CHN2: variants seen among roughly 807,000 people sequenced by gnomAD.
CHN2 encodes chimerin 2.
CHN2 carries 35 observed loss-of-function variants against 56.3 expected under a neutral mutation model. That is an observed-to-expected ratio of 0.62 (90% CI 0.47 to 0.82). The LOEUF is 0.82. CHN2 is among the 40% of genes least tolerant of loss of function. The pLI, the probability that CHN2 is intolerant of heterozygous loss-of-function variation, is 0.00. For synonymous variants in CHN2, 210 were observed against 212.8 expected (o/e 0.99, Z 0.12); for missense variants, 491 against 580.5 (o/e 0.85, Z 1.58).
intron 6 of CHN2, among the ~76,000 whole-genome samples, chr7:29,479,506 C>T (rs1238397243): frequency 6.6e-6 from 1 of 152,092 alleles, no homozygotes; most frequent in African/African-American, 2.4e-5. Flanking sequence ...GTAATGCATG[C>T]ATAAGAATAA....
intron 2 of CHN2, among the ~76,000 whole-genome samples, chr7:29,360,747 A>T (rs940343946): frequency 1.3e-5 from 2 of 152,106 alleles, no homozygotes; most frequent in South Asian, 4.2e-4. Flanking sequence ...CCTCCTTAGA[A>T]AGAAGTAGAC....
intron 1 of CHN2, among the ~76,000 whole-genome samples, chr7:29,288,232 G>A (rs955236973): frequency 3.2e-4 from 48 of 152,266 alleles, no homozygotes; most frequent in African/African-American, 1.1e-3. Context: ...TGGCTGTGTG[G>A]CCTTGGACAA....
intron 6 of CHN2, among the ~76,000 whole-genome samples, chr7:29,421,978 G>A (rs1475564206): frequency 1.3e-5 from 2 of 152,130 alleles, no homozygotes; most frequent in Non-Finnish European, 2.9e-5. Context: ...CTATTAACAT[G>A]GGAATCACCG....
At chr7:29,401,019 A>G in intron 6 of CHN2, 191 bp downstream of exon 6, 1 of 607,680 alleles carries the variant, frequency 1.6e-6, no homozygotes, top group East Asian at 2.8e-5. Flanking sequence ...CATGCCTGTA[A>G]TCTCTTTGGG....
At chr7:29,395,426 G>A (rs186436847) in intron 4 of CHN2, among the ~76,000 whole-genome samples, 9 of 152,258 alleles carry the variant, frequency 5.9e-5, no homozygotes, top group African/African-American at 1.9e-4. Flanking sequence ...AGGACCACAG[G>A]TGGGAGGTGG....
chr7:29,155,342 G>A (rs1794214357), intron 2 of CHN2, among the ~76,000 whole-genome samples: 1 of 152,030 alleles, frequency 6.6e-6, no homozygotes, highest in African/African-American at 2.4e-5. Context: ...ATGCTAAGAG[G>A]AAAGACAAGG....
At chr7:29,241,432 A>G (rs1432744947) in intron 1 of CHN2, among the ~76,000 whole-genome samples, 1 of 152,060 alleles carries the variant, frequency 6.6e-6, no homozygotes, top group Admixed American at 6.6e-5. Flanking sequence ...AAACTGTGCA[A>G]ACTTCTCAAG....
At chr7:29,476,881 A>C (rs1158907341) in intron 6 of CHN2, among the ~76,000 whole-genome samples, 1 of 152,210 alleles carries the variant, frequency 6.6e-6, no homozygotes, top group Non-Finnish European at 1.5e-5. Context: ...CCTGGTTCAA[A>C]CAGAGCATGT....
At chr7:29,458,698 G>A (rs1784944382) in intron 6 of CHN2, among the ~76,000 whole-genome samples, 1 of 152,182 alleles carries the variant, frequency 6.6e-6, no homozygotes, top group Admixed American at 6.5e-5. Flanking sequence ...AAGTGTGTAT[G>A]TAATAAGCAT....
At position 29,513,502 on chromosome 7, in the gene CHN2, G is replaced by A. The variant is rs991150563; in HGVS notation, c.*767G>A. 1 of 152,228 alleles carries A rather than the reference G, an allele frequency of 6.6e-6. No individual in the cohort carries two copies. Among genetic ancestry groups the A allele is most frequent in the African/African-American group, 2.4e-5 (1 of 41,452 alleles). 9.4% of individuals were successfully genotyped at this position (152,228 alleles called of 1,614,324 possible). A position where few individuals can be genotyped will look rare whatever the true frequency, so the allele number is the denominator to read the frequency against. On this transcript the variant is annotated 3_prime_UTR_variant, in exon 13 of 13. Coordinates refer to ENST00000222792, the MANE Select transcript of CHN2 (RefSeq NM_004067.4). ...ATTCCCAAAGTATGCTTTGGAATTG[G>A]TCATAGTCTTTTCGTATCATGAGTG...
chr7:29,211,939 A>G (rs904137632), intron 1 of CHN2, among the ~76,000 whole-genome samples: 1 of 152,230 alleles, frequency 6.6e-6, no homozygotes, highest in African/African-American at 2.4e-5. Flanking sequence ...AGAGAAAACT[A>G]TAACGAACCT....
At chr7:29,159,514 T>C (rs1794891381) in intron 2 of CHN2, among the ~76,000 whole-genome samples, 1 of 152,220 alleles carries the variant, frequency 6.6e-6, no homozygotes. Context: ...TTTTATCATG[T>C]AACATGTATG....
At chr7:29,184,491 AGTTCC>A (rs1798470614) in intron 2 of CHN2, 1 of 152,180 alleles carries the variant, frequency 6.6e-6, no homozygotes, top group African/African-American at 2.4e-5. Context: ...CTGATGGTAT[AGTTCC>A]TGTCAAGACA....
At chr7:29,165,027 A>T (rs576385562) in intron 2 of CHN2, among the ~76,000 whole-genome samples, 320 of 152,204 alleles carry the variant, frequency 2.1e-3, no homozygotes, top group Non-Finnish European at 3.8e-3. Flanking sequence ...GATGTTTTTG[A>T]CTATTCTACA....
chr7:29,281,239 C>T (rs896532356), intron 1 of CHN2, among the ~76,000 whole-genome samples: 1 of 152,044 alleles, frequency 6.6e-6, no homozygotes. Context: ...TACAAGCTAG[C>T]ACTGTGTGTG....
chr7:29,309,238 T>C (rs763593803), intron 1 of CHN2, among the ~76,000 whole-genome samples: 89 of 152,232 alleles, frequency 5.8e-4, no homozygotes, highest in Non-Finnish European at 1.9e-4. Flanking sequence ...AAAAAGTGTT[T>C]GGAAAGTCAC....
At position 29,302,222 on chromosome 7, in the gene CHN2, C is replaced by CGCT. The variant is rs201526294; in HGVS notation, c.50-52394_50-52392dup. 3.3e-4 allele frequency among the ~76,000 whole-genome samples: 51 copies of CGCT among 152,298 alleles called. No individual in the cohort carries two copies. In the East Asian group the frequency reaches 7.3e-3, roughly 22 times the overall value. On this transcript the variant is annotated intron_variant, in intron 1 of 12. Transcript: ENST00000222792. ...ATGTTATCATTTTAGCTGCCGCCACCGCTGCTGCTGCAGCTACTTCTGCTT... is the reference window on the plus strand; with the variant it reads ...ATGTTATCATTTTAGCTGCCGCCACCGCTGCTGCTGCTGCAGCTACTTCTGCTT...
intron 2 of CHN2, among the ~76,000 whole-genome samples, chr7:29,179,800 G>T (rs1797834648): frequency 6.6e-6 from 1 of 152,112 alleles, no homozygotes; most frequent in Non-Finnish European, 1.5e-5. Context: ...CATTTATGAG[G>T]TTCATTTGTT....
chr7:29,363,094 C>T (rs1798864185), intron 2 of CHN2, among the ~76,000 whole-genome samples: 2 of 152,196 alleles, frequency 1.3e-5, no homozygotes, highest in South Asian at 2.1e-4. Flanking sequence ...GCCCCTTTGA[C>T]TCCTGTTACA....
Sources: gnomAD v4.1 joint callset for allele counts (sites outside exome capture counted in the v4.1 genomes callset) on GRCh38, gnomAD v4.1.1 for gene constraint, MANE v1.5 for transcripts, NCBI Gene and HGNC (gene_info 2026-07-23, HGNC 2026-07-21) for gene names.